SAXO4: variants seen among roughly 807,000 people sequenced by gnomAD.
The protein encoded by SAXO4 is stabilizer of axonemal microtubules 4.
chr11:61,481,882 C>T, the SAXO4 span: 6 of 1,576,202 alleles, frequency 3.8e-6, no homozygotes, highest in Non-Finnish European at 5.1e-6. Context: ...CACGGACCCC[C>T]TGAAATTCTA....
the SAXO4 span, among the ~76,000 whole-genome samples, chr11:61,488,237 T>C: frequency 2.0e-5 from 3 of 151,816 alleles, no homozygotes; most frequent in Non-Finnish European, 4.4e-5. Flanking sequence ...TCTGCCTGCT[T>C]TGGCCTCCCA....
the SAXO4 span, chr11:61,486,955 C>T: frequency 4.3e-6 from 7 of 1,613,900 alleles, no homozygotes; most frequent in Non-Finnish European, 5.9e-6. Flanking sequence ...CAGGTGCCCC[C>T]TCCCTGCCCA....
the SAXO4 span, among the ~76,000 whole-genome samples, chr11:61,488,073 G>A: frequency 4.7e-5 from 7 of 148,424 alleles, no homozygotes; most frequent in African/African-American, 1.0e-4. Flanking sequence ...CGCAACCTTC[G>A]CCTCATGGGT....
the SAXO4 span, chr11:61,486,363 G>A: frequency 6.2e-7 from 1 of 1,614,094 alleles, no homozygotes; most frequent in Non-Finnish European, 8.5e-7. Flanking sequence ...CCAGGCCAGA[G>A]TGTCACCAAG....
the SAXO4 span, among the ~76,000 whole-genome samples, chr11:61,485,636 G>A: frequency 3.3e-5 from 5 of 152,088 alleles, no homozygotes; most frequent in South Asian, 2.1e-4. Flanking sequence ...CCTGTCCTCC[G>A]GCCTGGACTC....
the SAXO4 span, chr11:61,487,310 A>G: frequency 7.7e-7 from 1 of 1,297,848 alleles, no homozygotes; most frequent in African/African-American, 1.5e-5. Flanking sequence ...ATAAGTAATG[A>G]GCTCACAGCC....
the SAXO4 span, among the ~76,000 whole-genome samples, chr11:61,482,158 C>T: frequency 6.6e-6 from 1 of 152,208 alleles, no homozygotes. Flanking sequence ...CCATCACAGT[C>T]CTGAAAGGGC....
At chr11:61,486,202 T>A in the SAXO4 span, 2 of 841,174 alleles carry the variant, frequency 2.4e-6, no homozygotes, top group South Asian at 3.5e-5. Context: ...CCCAAACACT[T>A]CCCTTTTCTC....
At chr11:61,490,522 C>G in the SAXO4 span, 1 of 1,614,186 alleles carries the variant, frequency 6.2e-7, no homozygotes. Flanking sequence ...CAGCTGACCC[C>G]TTCTACCAGA....
the SAXO4 span, chr11:61,481,246 C>T: frequency 1.3e-5 from 2 of 152,674 alleles, no homozygotes; most frequent in East Asian, 1.9e-4. Context: ...GGTTGGGCCT[C>T]GGGGAGAGTG....
At chr11:61,490,518 AC>A in the SAXO4 span, 5 of 1,613,684 alleles carry the variant, frequency 3.1e-6, no homozygotes, top group Non-Finnish European at 4.2e-6. Flanking sequence ...ACCTCAGCTG[AC>A]CCCTTCTACC....
the SAXO4 span, among the ~76,000 whole-genome samples, chr11:61,485,155 C>G: frequency 6.6e-6 from 1 of 152,124 alleles, no homozygotes; most frequent in African/African-American, 2.4e-5. Flanking sequence ...GGGAACTGTG[C>G]TTTGTGCTGA....
chr11:61,482,795 C>T, the SAXO4 span: 2 of 1,609,532 alleles, frequency 1.2e-6, no homozygotes, highest in Non-Finnish European at 1.7e-6. Context: ...AGTGCGGGTC[C>T]CCCCACCAAG....
At chr11:61,487,299 G>T in the SAXO4 span, 1 of 1,387,488 alleles carries the variant, frequency 7.2e-7, no homozygotes, top group Non-Finnish European at 1.0e-6. Context: ...CTGAGACTGG[G>T]ATAAGTAATG....
chr11:61,488,047 C>T, the SAXO4 span, among the ~76,000 whole-genome samples: 34 of 145,422 alleles, frequency 2.3e-4, no homozygotes, highest in African/African-American at 8.3e-4. Flanking sequence ...AGTGCAATGG[C>T]GTGATCTCAG....
At chr11:61,486,951 C>G in the SAXO4 span, 1 of 1,613,616 alleles carries the variant, frequency 6.2e-7, no homozygotes, top group Admixed American at 1.7e-5. Context: ...CCTGCAGGTG[C>G]CCCCTCCCTG....
At chr11:61,482,335 T>C in the SAXO4 span, 1 of 1,614,166 alleles carries the variant, frequency 6.2e-7, no homozygotes, top group Non-Finnish European at 8.5e-7. Flanking sequence ...AAGCCCCGTG[T>C]GGGCAGTCAC....
the SAXO4 span, chr11:61,486,829 G>T: frequency 1.1e-6 from 1 of 935,958 alleles, no homozygotes; most frequent in Non-Finnish European, 1.7e-6. Context: ...GGGGAAGGGA[G>T]GGTCGCTGGG....
the SAXO4 span, chr11:61,481,976 C>G: frequency 8.3e-7 from 1 of 1,206,700 alleles, no homozygotes. Context: ...GGGAGGGGCT[C>G]TCTCTGAGGG....
Sources: gnomAD v4.1 joint callset for allele counts (sites outside exome capture counted in the v4.1 genomes callset) on GRCh38, gnomAD v4.1.1 for gene constraint, MANE v1.5 for transcripts, NCBI Gene and HGNC (gene_info 2026-07-23, HGNC 2026-07-21) for gene names.